CNNM1: variants seen among roughly 807,000 people sequenced by gnomAD.
CNNM1 encodes metal transporter CNNM1.
In CNNM1, 44 loss-of-function variants were observed where a neutral mutation model predicts 78.8. The ratio of observed to expected loss-of-function variants is 0.56; its 90% CI spans 0.44 to 0.72. The LOEUF (loss-of-function observed/expected upper bound fraction) is 0.72, where lower values mean the gene tolerates loss of function less well. Ranked by LOEUF, CNNM1 falls within the 30% of genes least tolerant of loss-of-function variation. The pLI is 0.00. For missense variants in CNNM1, 1,101 were observed against 1,292.2 expected (o/e 0.85, Z 2.27); for synonymous variants, 584 against 581.5 (o/e 1.00, Z -0.06).
Position 99,387,807 on chromosome 10 carries a change from C to G in CNNM1, c.2341-13C>G, listed in dbSNP as rs775246974. ...GCCTAGCTGCTCCTAAGCTCCTGCC[C>G]TCTTCCTTCCAGATCACACGGCAGC... On this transcript the variant is annotated splice_polypyrimidine_tract_variant and intron_variant, in intron 7 of 10. Transcript: ENST00000356713. 3 of 1,579,276 alleles carry G rather than the reference C, an allele frequency of 1.9e-6. No individual in the cohort carries two copies. Among genetic ancestry groups the G allele is most frequent in the Non-Finnish European group, 2.6e-6 (3 of 1,162,486 alleles).
At chr10:99,386,520 CT>C (rs2032310024) in intron 7 of CNNM1, among the ~76,000 whole-genome samples, 2 of 152,252 alleles carry the variant, frequency 1.3e-5, no homozygotes. Context: ...CCTGGAATCT[CT>C]GCATGTATGT....
intron 4 of CNNM1, among the ~76,000 whole-genome samples, chr10:99,363,894 A>G (rs980691396): frequency 6.6e-6 from 1 of 151,868 alleles, no homozygotes; most frequent in Admixed American, 6.6e-5. Flanking sequence ...ACAGGCATGC[A>G]CCACCACACC....
At chr10:99,383,458 G>C (rs1193456650) in intron 7 of CNNM1, among the ~76,000 whole-genome samples, 2 of 152,126 alleles carry the variant, frequency 1.3e-5, no homozygotes, top group Non-Finnish European at 2.9e-5. Context: ...ATTTTTAGTA[G>C]AGACAAGGTT....
At chr10:99,344,409 C>T (rs2030595270) in intron 1 of CNNM1, among the ~76,000 whole-genome samples, 1 of 151,936 alleles carries the variant, frequency 6.6e-6, no homozygotes, top group African/African-American at 2.4e-5. Flanking sequence ...GAAGACAATT[C>T]CAGTATAGCC....
At chr10:99,331,256 G>A (rs1251912811) in intron 1 of CNNM1, among the ~76,000 whole-genome samples, 1 of 152,174 alleles carries the variant, frequency 6.6e-6, no homozygotes, top group Non-Finnish European at 1.5e-5. Context: ...CAGATACTGT[G>A]TAGGTGGGAG....
chr10:99,361,301 T>TGCAGTGCCCTAGA (rs2031425930), intron 3 of CNNM1, among the ~76,000 whole-genome samples: 1 of 152,212 alleles, frequency 6.6e-6, no homozygotes, highest in Non-Finnish European at 1.5e-5. Context: ...CTGTTAGACT[T>TGCAGTGCCCTAGA]GCAGTGCCCT....
Position 99,362,221 on chromosome 10 carries a change from C to G in CNNM1, c.1859-6C>G. 1.2e-6 allele frequency: 2 copies of G among 1,606,114 alleles called. No homozygotes were observed. Reference sequence around the variant, plus strand: ...GATTCCTCCCTTCCCACTCACTCTCCTCTAGAAGTGGAGCCCTTTAAGTCT... The same window carrying G: ...GATTCCTCCCTTCCCACTCACTCTCGTCTAGAAGTGGAGCCCTTTAAGTCT... On this transcript the variant is annotated splice_polypyrimidine_tract_variant and splice_region_variant and intron_variant, in intron 3 of 10. Transcript: ENST00000356713.
At chr10:99,351,095 C>T (rs1367877315) in intron 1 of CNNM1, among the ~76,000 whole-genome samples, 1 of 152,142 alleles carries the variant, frequency 6.6e-6, no homozygotes, top group Non-Finnish European at 1.5e-5. Flanking sequence ...TTGGGTATGT[C>T]GATACGAGGT....
chr10:99,364,810 T>A, intron 5 of CNNM1, 145 bp from the exon 6 acceptor site: 1 of 760,036 alleles, frequency 1.3e-6, no homozygotes, highest in Non-Finnish European at 2.1e-6. Flanking sequence ...ATTTTGCTTT[T>A]TATACTTGTT....
chr10:99,389,974 C>G (rs2032423210), intron 9 of CNNM1, among the ~76,000 whole-genome samples: 1 of 152,138 alleles, frequency 6.6e-6, no homozygotes, highest in Non-Finnish European at 1.5e-5. Context: ...TTTAGTCTGG[C>G]AAATAGACTG....
chr10:99,329,897 C>G lies in CNNM1; in HGVS notation c.510C>G (p.Gly170=). The change falls in exon 1 of 11, where the codon GGC becomes GGG. Residue 170 remains glycine (G), a synonymous_variant. Transcript: ENST00000356713. ...TGCGAGTGCGGGAGCTGCGCAAGGG[C>G]GAAGCGGAGCGGGGCGGCGCGGGCG... is the stretch of plus-strand genomic sequence containing the variant. ...VQVRVRELRK[G]EAERGGAGGG... The G allele has an allele frequency of 7.2e-7, 1 of 1,389,668 alleles. No individual in the cohort carries two copies. The allele number at this position is 1,389,668 out of a possible 1,614,324, so 86.1% of individuals were successfully genotyped here. A position where few individuals can be genotyped will look rare whatever the true frequency, so the allele number is the denominator to read the frequency against.
At chr10:99,387,727 C>A (rs552839443) in intron 7 of CNNM1, 93 bp from the exon 8 acceptor site, 6 of 1,312,062 alleles carry the variant, frequency 4.6e-6, no homozygotes, top group African/African-American at 3.0e-5. Flanking sequence ...GTTCCAAGCA[C>A]CCCAGCGAGG....
intron 7 of CNNM1, among the ~76,000 whole-genome samples, chr10:99,384,490 C>G (rs1312314593): frequency 2.0e-5 from 3 of 152,088 alleles, no homozygotes; most frequent in Non-Finnish European, 2.9e-5. Context: ...GCCCCTCCCC[C>G]TCCCCACCCT....
intron 1 of CNNM1, among the ~76,000 whole-genome samples, chr10:99,340,762 T>TCC (rs2134019323): frequency 6.7e-6 from 1 of 149,000 alleles, no homozygotes; most frequent in African/African-American, 2.5e-5. Context: ...TTTCTTTCTT[T>TCC]CTCTCTCTCT....
intron 1 of CNNM1, among the ~76,000 whole-genome samples, chr10:99,339,435 T>C (rs1477773578): frequency 6.6e-6 from 1 of 152,212 alleles, no homozygotes; most frequent in African/African-American, 2.4e-5. Context: ...TACCAGTTTG[T>C]GGCCTGGTAG....
In CNNM1 at chr10:99,392,962, C is replaced by CT. The variant is rs760394351; in HGVS notation, c.*1446_*1447insT. 1 of 140,646 alleles carries CT rather than the reference C, an allele frequency of 7.1e-6. No homozygotes were observed. The highest frequency in any genetic ancestry group is 1.6e-5 in the Non-Finnish European group (1 of 64,094). The allele number at this position is 140,646 out of a possible 1,614,324, so 8.7% of individuals were successfully genotyped here. A position where few individuals can be genotyped will look rare whatever the true frequency, so the allele number is the denominator to read the frequency against. On this transcript the variant is annotated 3_prime_UTR_variant, in exon 11 of 11. Coordinates refer to ENST00000356713, the MANE Select transcript of CNNM1 (RefSeq NM_020348.3). ...AACAGAGCGAGACTCTGTCTCCCCCCGCAAAAAAAAAAAAGAAAGAAAGAA... is the reference window on the plus strand; with the variant it reads ...AACAGAGCGAGACTCTGTCTCCCCCCTGCAAAAAAAAAAAAGAAAGAAAGAA...
chr10:99,381,792 G>C (rs1271449545), intron 7 of CNNM1, among the ~76,000 whole-genome samples: 1 of 150,664 alleles, frequency 6.6e-6, no homozygotes, highest in African/African-American at 2.4e-5. Flanking sequence ...AAAATGGGTA[G>C]TTCTCCAAAA....
At position 99,377,132 on chromosome 10, in the gene CNNM1, A is replaced by G; in HGVS notation, c.2254A>G (p.Ser752Gly). The G allele has an allele frequency of 6.2e-7, 1 of 1,612,044 alleles. No homozygotes were observed. Among genetic ancestry groups the G allele is most frequent in the South Asian group, 1.1e-5 (1 of 90,464 alleles). The change falls in exon 7 of 11, where the codon AGC becomes GGC. Residue 752 changes from serine (S) to glycine (G), a missense_variant. Ser to Gly is a moderately conservative substitution (Grantham distance 56). Coordinates refer to ENST00000356713, the MANE Select transcript of CNNM1 (RefSeq NM_020348.3). ...PNRERSDFGG[S>G]NTQLYSSSNN... ...CCGAGAGCGCAGTGACTTTGGGGGCAGCAACACCCAGCTGTACAGCAGCAG... is the reference window on the plus strand; with the variant it reads ...CCGAGAGCGCAGTGACTTTGGGGGCGGCAACACCCAGCTGTACAGCAGCAG...
rs1182440654 is a variant in CNNM1 at position 99,393,290 on chromosome 10, T to A, written c.*1774T>A. Reference sequence around the variant, plus strand: ...AGGGAGACTGATCATTCCTCTGGGTTATCTGCATCTCAAAAGAAAATGCTT... The same window carrying A: ...AGGGAGACTGATCATTCCTCTGGGTAATCTGCATCTCAAAAGAAAATGCTT... On this transcript the variant is annotated 3_prime_UTR_variant, in exon 11 of 11. Coordinates refer to ENST00000356713, the MANE Select transcript of CNNM1 (RefSeq NM_020348.3). The A allele has an allele frequency of 6.6e-6, 1 of 152,558 alleles. No individual in the cohort carries two copies. Among genetic ancestry groups the A allele is most frequent in the East Asian group, 1.9e-4 (1 of 5,166 alleles). The allele number at this position is 152,558 out of a possible 1,614,324, so 9.5% of individuals were successfully genotyped here.
Sources: allele counts gnomAD v4.1 joint callset (sites outside exome capture counted in the v4.1 genomes callset), GRCh38; gene constraint gnomAD v4.1.1; transcripts MANE v1.5; gene names NCBI Gene and HGNC (gene_info 2026-07-23, HGNC 2026-07-21).